PTPN14: variants seen among roughly 807,000 people sequenced by gnomAD.
PTPN14 encodes the protein tyrosine-protein phosphatase non-receptor type 14.
Under a neutral mutation model 126.8 loss-of-function variants are expected in PTPN14, and 53 were observed. That is an observed-to-expected ratio of 0.42 (90% confidence interval 0.34 to 0.53). PTPN14 has a LOEUF of 0.53. Among genes scored for constraint, PTPN14 ranks in the 20% least tolerant of loss-of-function variants. The probability of loss-of-function intolerance (pLI) is 0.08; values close to 1 mark genes in which losing one functional copy is unlikely to be tolerated. For missense variants in PTPN14, 1,257 were observed against 1,552.9 expected (o/e 0.81, Z 3.20); for synonymous variants, 630 against 599.3 (o/e 1.05, Z -0.75).
chr1:214,415,430 A>G (rs1659404133), intron 3 of PTPN14, among the ~76,000 whole-genome samples: 1 of 152,206 alleles, frequency 6.6e-6, no homozygotes, highest in Non-Finnish European at 1.5e-5. Context: ...CTTCTCACTC[A>G]AGACGTTTAT....
At chr1:214,368,196 T>TTTTTTTTATTTATTTATTTATTTA (rs1553258933) in intron 17 of PTPN14, among the ~76,000 whole-genome samples, 10 of 146,324 alleles carry the variant, frequency 6.8e-5, no homozygotes, top group African/African-American at 2.0e-4. Context: ...TGTTATTCGT[T>TTTTTTTTATTTATTTATTTATTTA]TTTATTTATT....
intron 3 of PTPN14, among the ~76,000 whole-genome samples, chr1:214,428,620 CTCTGATT>C (rs1659730246): frequency 6.6e-6 from 1 of 152,110 alleles, no homozygotes; most frequent in Admixed American, 6.5e-5. Context: ...ACATATTTCC[CTCTGATT>C]TCTATTATTT....
intron 5 of PTPN14, among the ~76,000 whole-genome samples, chr1:214,408,643 T>C (rs1659225846): frequency 6.6e-6 from 1 of 152,158 alleles, no homozygotes; most frequent in African/African-American, 2.4e-5. Flanking sequence ...CATATGTACA[T>C]ACATAAGAAT....
rs114882587 is a variant in PTPN14, at chr1:214,540,728, A to T, written c.-155+10455T>A. On this transcript the variant is annotated intron_variant, in intron 1 of 18. Transcript: ENST00000366956. ...AAAAGAAAGGACGAGGAGCGTGAAC[A>T]GCTATTTATTTATTTAAAAAAAAAA... is the stretch of plus-strand genomic sequence containing the variant. 5.2e-3 allele frequency among the ~76,000 whole-genome samples: 787 copies of T among 152,248 alleles called. 9 individuals carry two copies. Among genetic ancestry groups the T allele is most frequent in the African/African-American group, 0.018 (762 of 41,546 alleles).
At chr1:214,439,346 C>G (rs903387594) in intron 3 of PTPN14, among the ~76,000 whole-genome samples, 1 of 152,194 alleles carries the variant, frequency 6.6e-6, no homozygotes, top group African/African-American at 2.4e-5. Context: ...ACATTAGTCA[C>G]TGTCATAAAC....
chr1:214,540,594 C>T (rs1377127177), intron 1 of PTPN14, among the ~76,000 whole-genome samples: 1 of 152,204 alleles, frequency 6.6e-6, no homozygotes, highest in Non-Finnish European at 1.5e-5. Context: ...AGAAATCACT[C>T]TGTACAAGTG....
intron 13 of PTPN14, among the ~76,000 whole-genome samples, chr1:214,378,800 G>A (rs1445564807): frequency 2.0e-5 from 3 of 152,312 alleles, no homozygotes; most frequent in Non-Finnish European, 4.4e-5. Context: ...CACAGTAACA[G>A]AGACGGTGCC....
intron 2 of PTPN14, among the ~76,000 whole-genome samples, chr1:214,462,374 A>T (rs1660532582): frequency 6.6e-6 from 1 of 152,124 alleles, no homozygotes. Context: ...CACACCTCCC[A>T]CCATTTGTTA....
At chr1:214,423,824 T>C (rs1659597582) in intron 3 of PTPN14, among the ~76,000 whole-genome samples, 1 of 151,450 alleles carries the variant, frequency 6.6e-6, no homozygotes, top group Non-Finnish European at 1.5e-5. Flanking sequence ...CTACTAAAAA[T>C]ACAAAAATTA....
chr1:214,539,875 C>T (rs769090313), intron 1 of PTPN14, among the ~76,000 whole-genome samples: 25 of 152,178 alleles, frequency 1.6e-4, no homozygotes, highest in Non-Finnish European at 3.2e-4. Flanking sequence ...ATTTTAGGAA[C>T]AACCAAACAG....
In PTPN14 at chr1:214,353,397, G is replaced by A. The variant is rs1657744540; in HGVS notation, c.*4525C>T. 6.6e-6 allele frequency: 1 copy of A among 152,112 alleles called. No homozygotes were observed. The highest frequency in any genetic ancestry group is 2.4e-5 in the African/African-American group (1 of 41,398). 9.4% of individuals were successfully genotyped at this position (152,112 alleles called of 1,614,324 possible). A position where few individuals can be genotyped will look rare whatever the true frequency, so the allele number is the denominator to read the frequency against. The stretch of plus-strand genomic sequence containing the variant: ...TTCAACTTTTGCTTTTTGGAACTTT[G>A]TGGGTTTCCCCTCTTCCCCAAATAT... On this transcript the variant is annotated 3_prime_UTR_variant, in exon 19 of 19. Coordinates refer to ENST00000366956, the MANE Select transcript of PTPN14 (RefSeq NM_005401.5).
chr1:214,453,967 G>T (rs1430994415), intron 2 of PTPN14, among the ~76,000 whole-genome samples: 2 of 152,268 alleles, frequency 1.3e-5, no homozygotes, highest in East Asian at 3.9e-4. Flanking sequence ...ACCTTAACAT[G>T]AAGTCATTTG....
chr1:214,470,610 C>T (rs939676802), intron 1 of PTPN14, among the ~76,000 whole-genome samples: 7 of 151,802 alleles, frequency 4.6e-5, no homozygotes, highest in Non-Finnish European at 8.8e-5. Flanking sequence ...TGGTAAAACC[C>T]CATCGCTACT....
intron 14 of PTPN14, 94 bp downstream of exon 14, chr1:214,377,865 C>T: frequency 6.9e-7 from 1 of 1,443,990 alleles, no homozygotes; most frequent in Admixed American, 2.1e-5. Context: ...GAATGCATCA[C>T]ACAAATCTCA....
At position 214,383,907 on chromosome 1, in the gene PTPN14, C is replaced by T. The variant is rs765218938; in HGVS notation, c.1948G>A (p.Val650Met). ...RHSLEVMNSM[V>M]RGMEAMTLKS... ...AGCGTCATGGCCTCCATGCCCCGCA[C>T]CATGCTGTTCATCACCTCCAGGCTG... Residue 650 changes from valine (V) to methionine (M), a missense_variant, in exon 13 of 19, where the codon GTG becomes ATG. Around this residue, in one of 3 missense-constraint regions of PTPN14, gnomAD observed 1,021 missense variants for 1,183.3 expected, o/e 0.86. Coordinates refer to ENST00000366956, the MANE Select transcript of PTPN14 (RefSeq NM_005401.5). This position sits in a 1 kb window ranked among gnomAD's most constrained non-coding sequence, Gnocchi z 4.4. The T allele has an allele frequency of 6.2e-7, 1 of 1,613,328 alleles. No individual in the cohort carries two copies. The highest frequency in any genetic ancestry group is 1.7e-5 in the Admixed American group (1 of 60,006).
chr1:214,422,679 G>A (rs1659569291), intron 3 of PTPN14, among the ~76,000 whole-genome samples: 2 of 152,192 alleles, frequency 1.3e-5, no homozygotes, highest in Admixed American at 1.3e-4. Context: ...GCTTTGGTGA[G>A]CTACCAGGCG....
intron 18 of PTPN14, among the ~76,000 whole-genome samples, chr1:214,362,350 G>A (rs1657975636): frequency 6.6e-6 from 1 of 152,218 alleles, no homozygotes; most frequent in South Asian, 2.1e-4. Flanking sequence ...GGGAACAGAA[G>A]TTCTTTTTGG....
chr1:214,461,244 T>C (rs1278129833), intron 2 of PTPN14, among the ~76,000 whole-genome samples: 1 of 152,220 alleles, frequency 6.6e-6, no homozygotes, highest in Admixed American at 6.5e-5. Flanking sequence ...CCTTTCCTAA[T>C]ATAAAGCTAT....
At chr1:214,388,449 C>A (rs1658674436) in intron 11 of PTPN14, among the ~76,000 whole-genome samples, 2 of 152,080 alleles carry the variant, frequency 1.3e-5, no homozygotes, top group Admixed American at 1.3e-4. Flanking sequence ...CTCTATTGCC[C>A]AGGCTGGAGT....
Sources: allele counts gnomAD v4.1 joint callset (sites outside exome capture counted in the v4.1 genomes callset), GRCh38; gene constraint gnomAD v4.1.1; regional missense constraint gnomAD v4.1.1; non-coding constraint Gnocchi (gnomAD v3.1); transcripts MANE v1.5; gene names NCBI Gene and HGNC (gene_info 2026-07-23, HGNC 2026-07-21).